Variants in ANK2 observed in about 807,000 individuals in gnomAD.
ANK2 encodes ankyrin-2.
ANK2 carries 83 observed loss-of-function variants against 360.5 expected under a neutral mutation model. The observed-to-expected ratio is 0.23, with a 90% CI of 0.19 to 0.28. ANK2 has a LOEUF of 0.28. ANK2 is among the 10% of genes least tolerant of loss of function. The pLI, the probability that ANK2 is intolerant of heterozygous loss-of-function variation, is 1.00. For synonymous variants in ANK2, 1,740 were observed against 1,759.5 expected, an observed-to-expected ratio of 0.99 and a Z score of 0.28; for missense variants, 4,201 against 4,795.7, an observed-to-expected ratio of 0.88 and a Z score of 3.66.
chr4:113,013,395 A>G (rs995445885), intron 2 of ANK2, among the ~76,000 whole-genome samples: 1 of 152,198 alleles, frequency 6.6e-6, no homozygotes, highest in Non-Finnish European at 1.5e-5. Flanking sequence ...CAGAAACTTG[A>G]GGACTCCAAA....
chr4:113,219,959 TA>T (rs2099131432), intron 4 of ANK2, among the ~76,000 whole-genome samples: 1 of 152,158 alleles, frequency 6.6e-6, no homozygotes, highest in Non-Finnish European at 1.5e-5. Context: ...CTTTCATAAA[TA>T]AAAAATGTAA....
At position 113,265,246 on chromosome 4, in the gene ANK2, C is replaced by T. The variant is rs29412; in HGVS notation, c.1485+251C>T. 1.4e-3 allele frequency among the ~76,000 whole-genome samples: 213 copies of T among 152,196 alleles called. 2 individuals carry two copies. The highest frequency in any genetic ancestry group is 3.2e-3 in the African/African-American group (132 of 41,546). ...AAAACTTATCATCTAAGAAATACAT[C>T]GACTGATATTTTAATACTGTTTTAA... On this transcript the variant is annotated intron_variant, in intron 14 of 45. Coordinates refer to ENST00000357077, the MANE Select transcript of ANK2 (RefSeq NM_001148.6).
chr4:113,134,537 T>G (rs2096276435), intron 1 of ANK2, among the ~76,000 whole-genome samples: 1 of 152,060 alleles, frequency 6.6e-6, no homozygotes, highest in Non-Finnish European at 1.5e-5. Context: ...AACTGAACTA[T>G]GTTCTCCTTG....
chr4:112,717,949 C>T, the ANK2 span, among the ~76,000 whole-genome samples: 1 of 152,216 alleles, frequency 6.6e-6, no homozygotes, highest in Non-Finnish European at 1.5e-5. Context: ...TTAGTTCTTT[C>T]ATCTGACAGT....
At chr4:112,730,667 A>G in the ANK2 span, among the ~76,000 whole-genome samples, 3 of 150,760 alleles carry the variant, frequency 2.0e-5, no homozygotes, top group Non-Finnish European at 1.5e-5. Context: ...AAGAAAGAAA[A>G]CAAAATTACT....
chr4:113,038,298 G>A lies in ANK2; in HGVS notation c.21+133784G>A, dbSNP rs1396412116. On this transcript the variant is annotated intron_variant, in intron 2 of 30. Transcript: ENST00000503271. ...AGGATACGTGAAACTCATCTTTGAA[G>A]ATCAACAAAGACTTTTTTTTGAGAA... Among the ~76,000 whole-genome samples, 4 of 151,946 alleles carry A rather than the reference G, an allele frequency of 2.6e-5. 1 individual carries two copies. The highest frequency in any genetic ancestry group is 2.6e-4 in the Admixed American group (4 of 15,234).
the ANK2 span, among the ~76,000 whole-genome samples, chr4:112,787,045 G>A: frequency 1.3e-5 from 2 of 151,950 alleles, no homozygotes; most frequent in African/African-American, 4.8e-5. Flanking sequence ...CATCACACCT[G>A]GCCAAAATCA....
chr4:112,727,244 A>G, the ANK2 span, among the ~76,000 whole-genome samples: 610 of 152,142 alleles, frequency 4.0e-3, 3 homozygotes, highest in African/African-American at 0.013. Context: ...CTAGATGTAT[A>G]GCCTTTGGAA....
In ANK2 at chr4:113,355,460, C is replaced by T. The variant is rs757584252; in HGVS notation, c.6842C>T (p.Thr2281Met). Residue 2281 changes from threonine (T) to methionine (M), a missense_variant, in exon 38 of 46, where the codon ACG becomes ATG. Coordinates refer to ENST00000357077, the MANE Select transcript of ANK2 (RefSeq NM_001148.6). ...TEIRSEKEHPTTKDITGGSEE... is the reference protein window; with the variant it reads ...TEIRSEKEHPMTKDITGGSEE... ...ATTCGTTCAGAAAAAGAGCATCCCA[C>T]GACCAAAGACATTACTGGTGGCTCT... 2.3e-5 allele frequency: 37 copies of T among 1,613,814 alleles called. No homozygotes were observed. Among genetic ancestry groups the T allele is most frequent in the Middle Eastern group, 3.3e-4 (2 of 6,078 alleles).
the ANK2 span, among the ~76,000 whole-genome samples, chr4:112,783,253 C>T: frequency 2.6e-5 from 4 of 152,146 alleles, no homozygotes; most frequent in African/African-American, 4.8e-5. Context: ...TGGAGCCACA[C>T]GCATTCATGT....
At chr4:112,947,615 A>G (rs2094629269) in intron 2 of ANK2, among the ~76,000 whole-genome samples, 1 of 152,182 alleles carries the variant, frequency 6.6e-6, no homozygotes, top group Non-Finnish European at 1.5e-5. Context: ...AGCAGAAAGC[A>G]TGCAGGGCAA....
At chr4:113,373,201 T>G (rs1017923077) in intron 44 of ANK2, 28 bp downstream of exon 44, 1 of 1,611,228 alleles carries the variant, frequency 6.2e-7, no homozygotes, top group Admixed American at 1.7e-5. Flanking sequence ...CTAACAGGGT[T>G]GATTACAAAC....
At chr4:113,018,310 A>G (rs550867032) in intron 2 of ANK2, among the ~76,000 whole-genome samples, 1 of 152,366 alleles carries the variant, frequency 6.6e-6, no homozygotes, top group East Asian at 1.9e-4. Context: ...TTTGAGAGAT[A>G]TTAGTCTTTG....
intron 2 of ANK2, among the ~76,000 whole-genome samples, chr4:112,918,186 G>C (rs1250562357): frequency 6.6e-6 from 1 of 152,128 alleles, no homozygotes; most frequent in Admixed American, 6.5e-5. Flanking sequence ...TTGATTAGGG[G>C]CAGCTTCCTG....
At chr4:113,072,101 A>G (rs2077787912) in intron 1 of ANK2, 1 of 152,198 alleles carries the variant, frequency 6.6e-6, no homozygotes, top group African/African-American at 2.4e-5. Context: ...ATTCAAGATG[A>G]GATTTGGATG....
Position 113,293,457 on chromosome 4 carries a change from G to A in ANK2, c.2394G>A (p.Leu798=), listed in dbSNP as rs1324980678. 1.2e-6 allele frequency: 2 copies of A among 1,613,646 alleles called. No homozygotes were observed. The highest frequency in any genetic ancestry group is 4.5e-5 in the East Asian group (2 of 44,858). ...CTCTTCAGAATGGCAACACTGCCTT[G>A]GCGATTGCTAAGCGTCTGGGCTACA... is the stretch of plus-strand genomic sequence containing the variant. The part of the protein sequence containing the change: ...NATTANGNTA[L]AIAKRLGYIS... Residue 798 remains leucine (L), a synonymous_variant, in exon 22 of 46, where the codon TTG becomes TTA. Transcript: ENST00000357077.
chr4:112,713,684 T>A, the ANK2 span, among the ~76,000 whole-genome samples: 1 of 151,972 alleles, frequency 6.6e-6, no homozygotes, highest in Non-Finnish European at 1.5e-5. Context: ...TTTAACTTAA[T>A]AAGAAACTGG....
the ANK2 span, among the ~76,000 whole-genome samples, chr4:112,737,150 A>G: frequency 3.9e-5 from 6 of 152,208 alleles, no homozygotes; most frequent in Non-Finnish European, 8.8e-5. Flanking sequence ...TATGTTTAGC[A>G]TATTGCTATG....
chr4:113,034,054 C>A (rs1191667687), intron 2 of ANK2: 2 of 151,812 alleles, frequency 1.3e-5, no homozygotes, highest in Admixed American at 1.3e-4. Context: ...GAGTAATTTG[C>A]TGGGAATTAC....
Sources: gnomAD v4.1 joint callset for allele counts (sites outside exome capture counted in the v4.1 genomes callset) on GRCh38, gnomAD v4.1.1 for gene constraint, MANE v1.5 for transcripts, NCBI Gene and HGNC (gene_info 2026-07-23, HGNC 2026-07-21) for gene names.